Variants in SERPINA9 observed in about 807,000 individuals in gnomAD.
The protein encoded by SERPINA9 is serpin family A member 9.
Under a neutral mutation model 24.5 loss-of-function variants are expected in SERPINA9, and 32 were observed. The observed-to-expected ratio is 1.30, with a 90% CI of 0.98 to 1.75. The LOEUF is 1.75. Ranked by LOEUF, SERPINA9 falls within the 40% of genes most tolerant of loss-of-function variation. The pLI, the probability that SERPINA9 is intolerant of heterozygous loss-of-function variation, is 0.00. For synonymous variants in SERPINA9, 233 were observed against 197.7 expected (o/e 1.18, Z -1.50); for missense variants, 594 against 497.1 (o/e 1.19, Z -1.85).
Position 94,463,261 on chromosome 14 carries a change from C to G in SERPINA9, c.1086G>C (p.Glu362Asp). Reference sequence around the variant, plus strand: ...TGGTAGCTGCTGTGGCCTCAGTGCCCTCTTCACTGACATCCAGCACAGCCT... The same window carrying G: ...TGGTAGCTGCTGTGGCCTCAGTGCCGTCTTCACTGACATCCAGCACAGCCT... ...THKAVLDVSE[E>D]GTEATAATTT... Residue 362 changes from glutamate (E) to aspartate (D), a missense_variant, in exon 5 of 5, where the codon GAG (glutamate) becomes GAC (aspartate). Glu to Asp is a conservative substitution (Grantham distance 45). Coordinates refer to ENST00000674397, the MANE Select transcript of SERPINA9 (RefSeq NM_175739.4). The G allele has an allele frequency of 6.2e-7, 1 of 1,614,160 alleles. No homozygotes were observed. The highest frequency in any genetic ancestry group is 1.1e-5 in the South Asian group (1 of 91,080).
chr14:94,473,345 C>T (rs1446735849), intron 1 of SERPINA9, among the ~76,000 whole-genome samples: 2 of 151,960 alleles, frequency 1.3e-5, no homozygotes, highest in East Asian at 3.9e-4. Context: ...GTGGCAAAAC[C>T]CCATCTCTAC....
Position 94,468,030 on chromosome 14 carries a change from G to T in SERPINA9, c.629-648C>A, listed in dbSNP as rs75174172. 4.6e-3 allele frequency among the ~76,000 whole-genome samples: 697 copies of T among 151,998 alleles called. 5 individuals carry two copies. Among genetic ancestry groups the T allele is most frequent in the African/African-American group, 0.016 (665 of 41,444 alleles). ...AGGGTGGAGGGATGAACAGGTTAATGGATAAATGGTTGGCTGTCTGGGTGG... is the reference window on the plus strand; with the variant it reads ...AGGGTGGAGGGATGAACAGGTTAATTGATAAATGGTTGGCTGTCTGGGTGG... On this transcript the variant is annotated intron_variant, in intron 2 of 4. Coordinates refer to ENST00000674397, the MANE Select transcript of SERPINA9 (RefSeq NM_175739.4).
intron 1 of SERPINA9, among the ~76,000 whole-genome samples, chr14:94,473,971 A>G (rs1466829906): frequency 6.6e-6 from 1 of 152,260 alleles, no homozygotes; most frequent in African/African-American, 2.4e-5. Flanking sequence ...CATCCAGCCC[A>G]TGGTGGGCAG....
intron 4 of SERPINA9, 50 bp downstream of exon 4, chr14:94,464,657 G>T (rs369975885): frequency 2.1e-6 from 3 of 1,440,578 alleles, no homozygotes; most frequent in Non-Finnish European, 2.9e-6. Flanking sequence ...GATTAATTCT[G>T]CAGGTGCTTC....
At chr14:94,468,539 G>A (rs979218953) in intron 2 of SERPINA9, among the ~76,000 whole-genome samples, 1 of 152,184 alleles carries the variant, frequency 6.6e-6, no homozygotes, top group Non-Finnish European at 1.5e-5. Flanking sequence ...ACTGGCACAG[G>A]TCAGGCACTC....
intron 1 of SERPINA9, 174 bp downstream of exon 1, chr14:94,475,962 G>A (rs1899620201): frequency 3.4e-6 from 3 of 878,774 alleles, no homozygotes; most frequent in Admixed American, 2.3e-5. Flanking sequence ...CCTGGCTTCT[G>A]TATCCACAAA....
intron 1 of SERPINA9, among the ~76,000 whole-genome samples, chr14:94,471,727 G>A (rs1328880993): frequency 2.0e-5 from 3 of 147,668 alleles, no homozygotes; most frequent in African/African-American, 7.3e-5. Flanking sequence ...CCCCCACCCT[G>A]AGTGCCCCAT....
At chr14:94,472,035 C>T (rs1899346273) in intron 1 of SERPINA9, among the ~76,000 whole-genome samples, 1 of 152,214 alleles carries the variant, frequency 6.6e-6, no homozygotes, top group South Asian at 2.1e-4. Context: ...AGACGATCTA[C>T]TGGGAGATAG....
In SERPINA9 at chr14:94,469,774, G is replaced by A. The variant is rs775715515; in HGVS notation, c.67C>T (p.Pro23Ser). 2 of 1,548,608 alleles carry A rather than the reference G, an allele frequency of 1.3e-6. No individual in the cohort carries two copies. Among genetic ancestry groups the A allele is most frequent in the African/African-American group, 2.7e-5 (2 of 73,048 alleles). The change falls in exon 2 of 5, where the codon CCG (proline) becomes TCG (serine). Residue 23 changes from proline (P) to serine (S), a missense_variant. By Grantham distance (74) the Pro-to-Ser change is moderately conservative. Coordinates refer to ENST00000674397, the MANE Select transcript of SERPINA9 (RefSeq NM_175739.4). ...GGGTATGCACTGGGGGCATTGGCCG[G>A]GGACACACAGTAGATTGGAGCACAG... Reference protein sequence around the residue: ...GLCAPIYCVSPANAPSAYPRP... With the variant: ...GLCAPIYCVSSANAPSAYPRP...
chr14:94,470,315 G>A, intron 1 of SERPINA9: 1 of 560,498 alleles, frequency 1.8e-6, no homozygotes, highest in Non-Finnish European at 2.2e-6. Context: ...TCTCACCCTG[G>A]CTGCCTGTTC....
chr14:94,463,407 A>ATCCT, intron 4 of SERPINA9, 111 bp from the exon 5 acceptor site: 4 of 909,538 alleles, frequency 4.4e-6, no homozygotes, highest in Non-Finnish European at 6.9e-6. Flanking sequence ...CCTTGAAAGG[A>ATCCT]TTCAAGGTTC....
At chr14:94,472,282 T>A (rs1197991204) in intron 1 of SERPINA9, among the ~76,000 whole-genome samples, 1 of 152,176 alleles carries the variant, frequency 6.6e-6, no homozygotes, top group Non-Finnish European at 1.5e-5. Context: ...TAGCATACTC[T>A]GCTACAAATG....
At chr14:94,464,883 GGTCACAAGCCCATGGT>G in intron 3 of SERPINA9, 29 bp from the exon 4 acceptor site, 1 of 1,596,092 alleles carries the variant, frequency 6.3e-7, no homozygotes. Context: ...GAAACAATGA[GGTCACAAGCCCATGGT>G]GTCTGCATCT....
chr14:94,475,425 C>CAT (rs2139827977), intron 1 of SERPINA9, among the ~76,000 whole-genome samples: 1 of 91,292 alleles, frequency 1.1e-5, no homozygotes, highest in East Asian at 2.7e-4. Context: ...CATGTGCACA[C>CAT]ACACACACAC....
chr14:94,473,511 C>A (rs1309037980), intron 1 of SERPINA9, among the ~76,000 whole-genome samples: 3 of 111,290 alleles, frequency 2.7e-5, no homozygotes, highest in Non-Finnish European at 5.2e-5. Flanking sequence ...AAGAGTGAAA[C>A]TCTGTCTCAA....
rs1417260574 is a variant in SERPINA9, at chr14:94,469,433, G to C, written c.408C>G (p.Leu136=). 3.7e-6 allele frequency: 6 copies of C among 1,614,092 alleles called. No individual in the cohort carries two copies. Among genetic ancestry groups the C allele is most frequent in the African/African-American group, 1.3e-5 (1 of 74,918 alleles). ...KDLTLKMGSA[L]FVKKELQLQA... is the part of the protein sequence containing the mutation. ...GCAGCTGCAGCTCCTTCTTGACGAA[G>C]AGGGCACTTCCCATCTTCAAGGTCA... The change falls in exon 2 of 5, where the codon CTC becomes CTG. Residue 136 remains leucine, a synonymous_variant. Transcript: ENST00000674397.
Position 94,467,186 on chromosome 14 carries a change from G to A in SERPINA9, c.825C>T (p.Ser275=). 1 of 1,614,184 alleles carries A rather than the reference G, an allele frequency of 6.2e-7. No individual in the cohort carries two copies. The highest frequency in any genetic ancestry group is 8.5e-7 in the Non-Finnish European group (1 of 1,180,040). The change falls in exon 3 of 5, where the codon AGC becomes AGT. Residue 275 remains serine (S), a synonymous_variant. Transcript: ENST00000674397. ...GDAVAFFVLP[S]KGKMRQLEQA... ...GTTCCAGTTGCCTCATCTTGCCCTT[G>A]CTAGGGAGGACAAAGAAGGCCACGG...
chr14:94,466,989 T>A, intron 3 of SERPINA9, 120 bp downstream of exon 3: 1 of 1,115,526 alleles, frequency 9.0e-7, no homozygotes, highest in Non-Finnish European at 1.3e-6. Context: ...CTGTCCTGCA[T>A]GCAGTTGGTG....
intron 1 of SERPINA9, chr14:94,475,904 C>G: frequency 3.5e-6 from 2 of 578,052 alleles, no homozygotes; most frequent in African/African-American, 1.9e-5. Context: ...GCTGTGTATT[C>G]ATGGTCTCTG....
Sources: allele counts gnomAD v4.1 joint callset (sites outside exome capture counted in the v4.1 genomes callset), GRCh38; gene constraint gnomAD v4.1.1; transcripts MANE v1.5; gene names NCBI Gene and HGNC (gene_info 2026-07-23, HGNC 2026-07-21).